GNAQ: variants seen among roughly 807,000 people sequenced by gnomAD.
GNAQ encodes G protein subunit alpha q.
GNAQ carries 8 observed loss-of-function variants against 43.9 expected under a neutral mutation model. The observed-to-expected ratio is 0.18, with a 90% CI of 0.11 to 0.33. The LOEUF (loss-of-function observed/expected upper bound fraction) is 0.33, where lower values mean the gene tolerates loss of function less well. GNAQ is among the 10% of genes least tolerant of loss of function. GNAQ has a pLI of 1.00. For synonymous variants in GNAQ, 155 were observed against 170.7 expected (o/e 0.91, Z 0.71); for missense variants, 158 against 450.8 (o/e 0.35, Z 5.88).
intron 2 of GNAQ, among the ~76,000 whole-genome samples, chr9:77,919,807 A>G (rs1454061880): frequency 1.3e-5 from 2 of 152,196 alleles, no homozygotes; most frequent in African/African-American, 2.4e-5. Flanking sequence ...ATGTCAATTT[A>G]TAACTGAATA....
At chr9:77,863,216 A>AAGGAAGGAAGGAAGGGAGGGAGGGAGGG (rs1281288103) in intron 2 of GNAQ, among the ~76,000 whole-genome samples, 3 of 148,976 alleles carry the variant, frequency 2.0e-5, no homozygotes, top group African/African-American at 7.6e-5. Flanking sequence ...GGAAGGAAGG[A>AAGGAAGGAAGGAAGGGAGGGAGGGAGGG]AGGGAGGAAG....
chr9:77,810,192 C>A (rs1343034026), intron 3 of GNAQ, among the ~76,000 whole-genome samples: 1 of 151,702 alleles, frequency 6.6e-6, no homozygotes, highest in Non-Finnish European at 1.5e-5. Flanking sequence ...TCTATCTTAT[C>A]TAAAAACTGT....
chr9:77,792,645 G>T (rs2118436811), intron 5 of GNAQ, among the ~76,000 whole-genome samples: 1 of 152,040 alleles, frequency 6.6e-6, no homozygotes, highest in South Asian at 2.1e-4. Context: ...ATTTTGAAGT[G>T]GTAAATTGAT....
chr9:77,899,638 AGAAT>A (rs759659592), intron 2 of GNAQ, among the ~76,000 whole-genome samples: 4 of 152,168 alleles, frequency 2.6e-5, no homozygotes, highest in Non-Finnish European at 5.9e-5. Flanking sequence ...ATAATCTGGA[AGAAT>A]GAAGAGGTGG....
chr9:77,956,602 A>T (rs1436718395), intron 1 of GNAQ, among the ~76,000 whole-genome samples: 1 of 152,162 alleles, frequency 6.6e-6, no homozygotes, highest in Non-Finnish European at 1.5e-5. Flanking sequence ...CAGCATTCCA[A>T]ATTCTAATAT....
chr9:77,873,042 A>G (rs1249749205), intron 2 of GNAQ, among the ~76,000 whole-genome samples: 7 of 152,238 alleles, frequency 4.6e-5, no homozygotes, highest in African/African-American at 1.4e-4. Context: ...GTTTCGCTGG[A>G]AAGAGAATGT....
At chr9:77,786,619 G>A (rs1437600729) in intron 5 of GNAQ, among the ~76,000 whole-genome samples, 4 of 152,114 alleles carry the variant, frequency 2.6e-5, no homozygotes, top group Admixed American at 1.3e-4. Flanking sequence ...ATATGCCTGA[G>A]TAAAAAGGCA....
At chr9:77,852,685 CCTA>C (rs879731269) in intron 2 of GNAQ, among the ~76,000 whole-genome samples, 4 of 152,242 alleles carry the variant, frequency 2.6e-5, no homozygotes, top group Non-Finnish European at 5.9e-5. Context: ...TCTTTCTCCT[CCTA>C]CTGTTTTATG....
chr9:77,760,069 A>T (rs1436293368), intron 5 of GNAQ, among the ~76,000 whole-genome samples: 2 of 145,860 alleles, frequency 1.4e-5, no homozygotes, highest in African/African-American at 5.0e-5. Flanking sequence ...CCTTTTTCTA[A>T]TTTTTTTTTT....
chr9:77,725,332 T>G (rs1825381173), intron 6 of GNAQ, among the ~76,000 whole-genome samples: 1 of 151,980 alleles, frequency 6.6e-6, no homozygotes, highest in Admixed American at 6.6e-5. Flanking sequence ...GCATTCATTA[T>G]GATTAAGACC....
intron 1 of GNAQ, among the ~76,000 whole-genome samples, chr9:77,941,968 G>C (rs913802146): frequency 6.8e-6 from 1 of 147,394 alleles, no homozygotes; most frequent in East Asian, 2.0e-4. Context: ...ATAGAAAGAG[G>C]TAGGGTAGAA....
chr9:77,837,472 C>T (rs757823224), intron 2 of GNAQ, among the ~76,000 whole-genome samples: 2 of 151,922 alleles, frequency 1.3e-5, no homozygotes, highest in East Asian at 1.9e-4. Context: ...GAGAATCGCC[C>T]GAATCCGGGA....
chr9:77,921,100 T>C (rs879730167), intron 2 of GNAQ, among the ~76,000 whole-genome samples: 5 of 152,196 alleles, frequency 3.3e-5, no homozygotes, highest in Non-Finnish European at 7.3e-5. Context: ...AAAATAATTA[T>C]AGGTATAAAT....
chr9:77,775,172 G>A (rs1826288206), intron 5 of GNAQ, among the ~76,000 whole-genome samples: 1 of 151,830 alleles, frequency 6.6e-6, no homozygotes, highest in African/African-American at 2.4e-5. Flanking sequence ...TTTGTTAATC[G>A]ATTTCCTACA....
chr9:77,887,448 C>T lies in GNAQ; in HGVS notation c.321+34713G>A, dbSNP rs561703153. ...GGAAATAGTTTTTAGGGCCAAGCCC[C>T]AGCCTATTAGGCTTGCTTTACTATT... On this transcript the variant is annotated intron_variant, in intron 2 of 6. Coordinates refer to ENST00000286548, the MANE Select transcript of GNAQ (RefSeq NM_002072.5). Among the ~76,000 whole-genome samples the T allele has an allele frequency of 2.6e-5, 4 of 152,318 alleles. No homozygotes were observed. In the South Asian group the frequency reaches 8.3e-4, roughly 32 times the overall value.
At chr9:77,877,666 T>C (rs1587381662) in intron 2 of GNAQ, among the ~76,000 whole-genome samples, 2 of 152,218 alleles carry the variant, frequency 1.3e-5, no homozygotes, top group African/African-American at 4.8e-5. Flanking sequence ...CATTCTGTAC[T>C]TAAAATAACT....
chr9:77,897,856 C>T (rs188540945), intron 2 of GNAQ, among the ~76,000 whole-genome samples: 210 of 150,760 alleles, frequency 1.4e-3, no homozygotes, highest in South Asian at 2.3e-3. Flanking sequence ...CATTCAAACC[C>T]ATTATTTTAG....
intron 5 of GNAQ, among the ~76,000 whole-genome samples, chr9:77,753,157 A>G (rs932367870): frequency 3.3e-5 from 5 of 151,850 alleles, no homozygotes; most frequent in Non-Finnish European, 5.9e-5. Flanking sequence ...ATCTTTTTTC[A>G]TAAATGGGAT....
At chr9:78,001,490 T>C (rs1245053198) in intron 1 of GNAQ, among the ~76,000 whole-genome samples, 1 of 152,080 alleles carries the variant, frequency 6.6e-6, no homozygotes, top group African/African-American at 2.4e-5. Context: ...TTAGAATGCA[T>C]TTAATAAGTA....
Sources: gnomAD v4.1 joint callset for allele counts (sites outside exome capture counted in the v4.1 genomes callset) on GRCh38, gnomAD v4.1.1 for gene constraint, MANE v1.5 for transcripts, NCBI Gene and HGNC (gene_info 2026-07-23, HGNC 2026-07-21) for gene names.